PLXNA2: variants seen among roughly 807,000 people sequenced by gnomAD.
PLXNA2 encodes the protein plexin-A2.
Under a neutral mutation model 193.5 loss-of-function variants are expected in PLXNA2, and 91 were observed. The observed-to-expected ratio is 0.47, with a 90% confidence interval of 0.40 to 0.56. The LOEUF is 0.56. Among genes scored for constraint, PLXNA2 ranks in the 20% least tolerant of loss-of-function variants. The probability of loss-of-function intolerance (pLI) is 0.00; values close to 1 mark genes in which losing one functional copy is unlikely to be tolerated. For synonymous variants in PLXNA2, 997 were observed against 1,027.3 expected, an observed-to-expected ratio of 0.97 and a Z score of 0.56; for missense variants, 1,995 against 2,503.2, an observed-to-expected ratio of 0.80 and a Z score of 4.33.
intron 12 of PLXNA2, among the ~76,000 whole-genome samples, chr1:208,073,400 AAT>A (rs985023392): frequency 1.3e-5 from 2 of 152,222 alleles, no homozygotes; most frequent in Non-Finnish European, 2.9e-5. Context: ...CCAGGTGGCC[AAT>A]GTTCAAGCAT....
chr1:208,149,985 G>A (rs745525269), intron 3 of PLXNA2, among the ~76,000 whole-genome samples: 1 of 152,178 alleles, frequency 6.6e-6, no homozygotes, highest in African/African-American at 2.4e-5. Context: ...AGCAGGCTGA[G>A]GCTCCCTGGA....
chr1:208,148,425 G>A (rs895000429), intron 3 of PLXNA2, among the ~76,000 whole-genome samples: 1 of 152,124 alleles, frequency 6.6e-6, no homozygotes, highest in Non-Finnish European at 1.5e-5. Context: ...TTAATCCCAA[G>A]GTTTTCTTTC....
At chr1:208,242,826 C>G (rs939527000) in intron 1 of PLXNA2, among the ~76,000 whole-genome samples, 6 of 152,064 alleles carry the variant, frequency 3.9e-5, no homozygotes, top group Admixed American at 2.6e-4. Context: ...ATAGAGACTA[C>G]CTGTGGGATG....
At chr1:208,032,787 T>C (rs1371626921) in intron 28 of PLXNA2, among the ~76,000 whole-genome samples, 5 of 152,272 alleles carry the variant, frequency 3.3e-5, no homozygotes, top group South Asian at 4.1e-4. Flanking sequence ...TTCCCTCCCA[T>C]TGTGGCCAGA....
intron 3 of PLXNA2, among the ~76,000 whole-genome samples, chr1:208,201,959 C>A (rs1670564686): frequency 6.8e-6 from 1 of 146,788 alleles, no homozygotes; most frequent in South Asian, 2.2e-4. Context: ...CAGATAATTT[C>A]CATCAGGGCA....
chr1:208,190,179 G>C (rs1670132150), intron 3 of PLXNA2, among the ~76,000 whole-genome samples: 1 of 152,162 alleles, frequency 6.6e-6, no homozygotes, highest in African/African-American at 2.4e-5. Flanking sequence ...CCCAGTGGCA[G>C]TTATGAACAA....
At chr1:208,233,775 A>C (rs1210980483) in intron 1 of PLXNA2, among the ~76,000 whole-genome samples, 1 of 152,184 alleles carries the variant, frequency 6.6e-6, no homozygotes, top group African/African-American at 2.4e-5. Context: ...ACTGAAACAC[A>C]AACAGTGCCC....
At chr1:208,190,132 G>A (rs1456486510) in intron 3 of PLXNA2, among the ~76,000 whole-genome samples, 5 of 152,128 alleles carry the variant, frequency 3.3e-5, no homozygotes, top group African/African-American at 1.2e-4. Context: ...TGGTAGACTG[G>A]GAGAGAAGGA....
chr1:208,037,136 G>A (rs777242782), intron 26 of PLXNA2, among the ~76,000 whole-genome samples: 33 of 152,130 alleles, frequency 2.2e-4, no homozygotes, highest in Non-Finnish European at 3.8e-4. Flanking sequence ...CGCAAGTCAG[G>A]GTTGTTATCT....
At position 208,042,272 on chromosome 1, in the gene PLXNA2, G is replaced by A. The variant is rs1664896340; in HGVS notation, c.4112C>T (p.Thr1371Ile). Residue 1371 changes from threonine (T) to isoleucine (I), a missense_variant, in exon 22 of 32, where the codon ACC becomes ATC. This residue lies in a region of PLXNA2 where 1,291 missense variants were observed against 1,673.6 expected (regional missense o/e 0.77). Transcript: ENST00000367033. ...GGAGAAACTGCGCTGCAGCTCCAGGGTGCGGATGAAGGTCAGCAGGAACAC... is the reference window on the plus strand; with the variant it reads ...GGAGAAACTGCGCTGCAGCTCCAGGATGCGGATGAAGGTCAGCAGGAACAC... ...NKVFLLTFIRTLELQRSFSMR... is the reference protein window; with the variant it reads ...NKVFLLTFIRILELQRSFSMR... 1.2e-6 allele frequency: 2 copies of A among 1,614,220 alleles called. No homozygotes were observed. The highest frequency in any genetic ancestry group is 2.2e-5 in the South Asian group (2 of 91,090).
At position 208,023,127 on chromosome 1, in the gene PLXNA2, C is replaced by T. The variant is rs1205446095; in HGVS notation, c.*4116G>A. The T allele has an allele frequency of 6.6e-6, 1 of 152,212 alleles. No individual in the cohort carries two copies. The highest frequency in any genetic ancestry group is 1.5e-5 in the Non-Finnish European group (1 of 68,042). 9.4% of individuals were successfully genotyped at this position (152,212 alleles called of 1,614,324 possible). A position where few individuals can be genotyped will look rare whatever the true frequency, so the allele number is the denominator to read the frequency against. ...TCGGAAGGCCCTGAAGTTCATCTCC[C>T]AAGTTCCCCGTCGATCTGCTCCCAC... On this transcript the variant is annotated 3_prime_UTR_variant, in exon 32 of 32. Transcript: ENST00000367033.
chr1:208,067,830 G>C (rs888867866), intron 12 of PLXNA2, among the ~76,000 whole-genome samples: 2 of 152,164 alleles, frequency 1.3e-5, no homozygotes, highest in African/African-American at 4.8e-5. Flanking sequence ...CTGTACATGT[G>C]CTCGCTGGGA....
chr1:208,132,892 G>T (rs1030831096), intron 4 of PLXNA2, among the ~76,000 whole-genome samples: 1 of 152,166 alleles, frequency 6.6e-6, no homozygotes, highest in Admixed American at 6.5e-5. Context: ...GCACAGAAAG[G>T]TGAAGCAACT....
intron 5 of PLXNA2, among the ~76,000 whole-genome samples, chr1:208,101,311 C>T (rs541454853): frequency 3.7e-4 from 57 of 152,304 alleles, no homozygotes; most frequent in African/African-American, 1.1e-3. Context: ...CGTGGGGACC[C>T]GGGAGCTGCA....
chr1:208,079,208 T>G, intron 12 of PLXNA2, 52 bp downstream of exon 12: 2 of 1,487,846 alleles, frequency 1.3e-6, no homozygotes, highest in Non-Finnish European at 1.9e-6. Context: ...CCCACTGTCT[T>G]GGGGTCAGCT....
chr1:208,196,281 A>G (rs747797527), intron 3 of PLXNA2, among the ~76,000 whole-genome samples: 7 of 152,192 alleles, frequency 4.6e-5, no homozygotes, highest in Non-Finnish European at 1.0e-4. Flanking sequence ...ATTAATAAAA[A>G]GTTCACGTAC....
At chr1:208,169,001 C>T (rs1322791102) in intron 3 of PLXNA2, among the ~76,000 whole-genome samples, 1 of 152,080 alleles carries the variant, frequency 6.6e-6, no homozygotes, top group East Asian at 1.9e-4. Context: ...CGATGGTTTT[C>T]TATAAGGCCA....
At chr1:208,098,259 C>A (rs1310242538) in intron 6 of PLXNA2, among the ~76,000 whole-genome samples, 1 of 152,148 alleles carries the variant, frequency 6.6e-6, no homozygotes, top group African/African-American at 2.4e-5. Context: ...AATTAACATT[C>A]GTGAATGCTC....
At chr1:208,121,537 G>A (rs557386632) in intron 4 of PLXNA2, among the ~76,000 whole-genome samples, 31 of 152,120 alleles carry the variant, frequency 2.0e-4, no homozygotes, top group African/African-American at 4.8e-4. Flanking sequence ...GAGAACTGAT[G>A]GCTTTATAAG....
Sources: gnomAD v4.1 joint callset for allele counts (sites outside exome capture counted in the v4.1 genomes callset) on GRCh38, gnomAD v4.1.1 for gene constraint, gnomAD v4.1.1 regional missense constraint, MANE v1.5 for transcripts, NCBI Gene and HGNC (gene_info 2026-07-23, HGNC 2026-07-21) for gene names.